FSTL1: variants seen among roughly 807,000 people sequenced by gnomAD.
FSTL1 encodes follistatin like 1, also known as follistatin-related protein 1.
Under a neutral mutation model 45.9 loss-of-function variants are expected in FSTL1, and 24 were observed. The observed-to-expected ratio is 0.52, with a 90% CI of 0.38 to 0.74. The LOEUF (loss-of-function observed/expected upper bound fraction) is 0.74. Among genes scored for constraint, FSTL1 ranks in the 30% least tolerant of loss-of-function variants. FSTL1 has a pLI of 0.00. For synonymous variants in FSTL1, 120 were observed against 137.6 expected (o/e 0.87, Z 0.89); for missense variants, 340 against 381.8 (o/e 0.89, Z 0.91).
intron 9 of FSTL1, among the ~76,000 whole-genome samples, chr3:120,400,279 C>T (rs367548762): frequency 6.6e-6 from 1 of 152,208 alleles, no homozygotes; most frequent in East Asian, 1.9e-4. Context: ...GGAGATTTCT[C>T]TGAGACAATG....
In FSTL1 at chr3:120,410,973, CG is replaced by C. The variant is rs779959938; in HGVS notation, c.309del (p.Val104Ter). 1 of 1,608,784 alleles carries C rather than the reference CG, an allele frequency of 6.2e-7. No individual in the cohort carries two copies. Among genetic ancestry groups the C allele is most frequent in the African/African-American group, 1.3e-5 (1 of 74,698 alleles). On this transcript the variant is annotated frameshift_variant, in exon 5 of 11. Coordinates refer to ENST00000295633, the MANE Select transcript of FSTL1 (RefSeq NM_007085.5). LOFTEE classifies it high-confidence loss of function. ...TCACCTGGGCTGGCAGATGGACTTA[CG>C]GATTTCTTCTCTGCAAGACAAAAAG... ...DYDGHCKEKK[S>X]VSPSASPVVC... is the part of the protein sequence containing the mutation.
chr3:120,439,611 G>C (rs535383723), intron 2 of FSTL1, among the ~76,000 whole-genome samples: 1 of 152,232 alleles, frequency 6.6e-6, no homozygotes, highest in Non-Finnish European at 1.5e-5. Flanking sequence ...GGGGAGCTTT[G>C]CACATCAGTT....
intron 2 of FSTL1, among the ~76,000 whole-genome samples, chr3:120,427,393 C>T (rs1245558294): frequency 1.3e-5 from 2 of 152,150 alleles, no homozygotes; most frequent in African/African-American, 4.8e-5. Context: ...GTTTGTCCAT[C>T]CTTTTGTAGG....
At chr3:120,430,210 G>A (rs1356615029) in intron 2 of FSTL1, among the ~76,000 whole-genome samples, 2 of 152,162 alleles carry the variant, frequency 1.3e-5, no homozygotes, top group South Asian at 2.1e-4. Context: ...CCCAGAGTGC[G>A]TCTCCTAGAA....
rs1936696281 is a variant in FSTL1, at chr3:120,396,238, T to A, written c.*714A>T. 2 of 151,724 alleles carry A rather than the reference T, an allele frequency of 1.3e-5. No homozygotes were observed. Among genetic ancestry groups the A allele is most frequent in the African/African-American group, 4.9e-5 (2 of 41,034 alleles). The allele number at this position is 151,724 out of a possible 1,614,324, so 9.4% of individuals were successfully genotyped here. A position where few individuals can be genotyped will look rare whatever the true frequency, so the allele number is the denominator to read the frequency against. ...AAGAAAATAAAATATTAAAAAACAATAATATAATGATAATAATTGAAGAAT... is the reference window on the plus strand; with the variant it reads ...AAGAAAATAAAATATTAAAAAACAAAAATATAATGATAATAATTGAAGAAT... On this transcript the variant is annotated 3_prime_UTR_variant, in exon 11 of 11. Transcript: ENST00000295633.
intron 2 of FSTL1, among the ~76,000 whole-genome samples, chr3:120,427,068 T>C (rs1937395645): frequency 6.6e-6 from 1 of 152,208 alleles, no homozygotes; most frequent in Non-Finnish European, 1.5e-5. Flanking sequence ...AATTGTCAGA[T>C]GCTTCTTTAA....
intron 4 of FSTL1, among the ~76,000 whole-genome samples, chr3:120,411,516 A>G (rs1937052753): frequency 6.6e-6 from 1 of 152,264 alleles, no homozygotes; most frequent in Non-Finnish European, 1.5e-5. Context: ...AAACTTACCT[A>G]CTTTCTAAAA....
intron 6 of FSTL1, among the ~76,000 whole-genome samples, chr3:120,407,079 A>G (rs1576210430): frequency 6.6e-6 from 1 of 152,230 alleles, no homozygotes; most frequent in African/African-American, 2.4e-5. Context: ...GAAATTTTCC[A>G]CTTATGGCAT....
chr3:120,424,795 G>A (rs1052489004), intron 2 of FSTL1, among the ~76,000 whole-genome samples: 1 of 152,138 alleles, frequency 6.6e-6, no homozygotes, highest in Non-Finnish European at 1.5e-5. Flanking sequence ...TTGGTTGTGT[G>A]TCTCTATCAG....
intron 7 of FSTL1, among the ~76,000 whole-genome samples, chr3:120,403,748 A>G (rs568272971): frequency 1.3e-5 from 2 of 152,230 alleles, no homozygotes; most frequent in East Asian, 1.9e-4. Context: ...GACAGATGAC[A>G]TGAAAGGAAT....
intron 2 of FSTL1, among the ~76,000 whole-genome samples, chr3:120,439,485 C>T (rs570500099): frequency 1.3e-5 from 2 of 152,286 alleles, no homozygotes; most frequent in East Asian, 3.9e-4. Context: ...TTGATGGAGG[C>T]CTAGTACAAA....
chr3:120,425,386 A>C (rs1162371375), intron 2 of FSTL1, among the ~76,000 whole-genome samples: 2 of 152,162 alleles, frequency 1.3e-5, no homozygotes, highest in African/African-American at 2.4e-5. Flanking sequence ...AAAGCTTTTA[A>C]ACTTCTGCTG....
intron 10 of FSTL1, among the ~76,000 whole-genome samples, chr3:120,397,516 A>G (rs1451613853): frequency 6.6e-6 from 1 of 152,228 alleles, no homozygotes; most frequent in African/African-American, 2.4e-5. Context: ...GCCAATAAGG[A>G]CATAAGAAGA....
chr3:120,419,473 A>C (rs1303765715), intron 2 of FSTL1: 1 of 152,158 alleles, frequency 6.6e-6, no homozygotes, highest in East Asian at 1.9e-4. Flanking sequence ...TTACCCATCT[A>C]CTGAGAAACT....
chr3:120,437,971 G>A (rs1937588285), intron 2 of FSTL1, among the ~76,000 whole-genome samples: 1 of 152,102 alleles, frequency 6.6e-6, no homozygotes, highest in Non-Finnish European at 1.5e-5. Flanking sequence ...CAGAGATCAG[G>A]GCCAGGGGAG....
Position 120,393,267 on chromosome 3 carries a change from G to T in FSTL1, c.*3685C>A, listed in dbSNP as rs1162995720. 6.6e-6 allele frequency: 1 copy of T among 152,152 alleles called. No individual in the cohort carries two copies. Among genetic ancestry groups the T allele is most frequent in the African/African-American group, 2.4e-5 (1 of 41,434 alleles). 9.4% of individuals were successfully genotyped at this position (152,152 alleles called of 1,614,324 possible). ...CAAAGTGATCCAGCTATAATTTTAG[G>T]AAAGCAAAACTTCCACATGACTGAA... On this transcript the variant is annotated 3_prime_UTR_variant, in exon 11 of 11. Coordinates refer to ENST00000295633, the MANE Select transcript of FSTL1 (RefSeq NM_007085.5).
intron 8 of FSTL1, 84 bp downstream of exon 8, chr3:120,403,158 G>T (rs941626054): frequency 6.0e-6 from 5 of 837,980 alleles, no homozygotes; most frequent in East Asian, 2.4e-5. Flanking sequence ...GCTAGCTCTG[G>T]AGAGTTCCAC....
intron 2 of FSTL1, among the ~76,000 whole-genome samples, chr3:120,442,474 G>C (rs1937642543): frequency 6.6e-6 from 1 of 152,162 alleles, no homozygotes; most frequent in Non-Finnish European, 1.5e-5. Context: ...GTTTGTTACA[G>C]AGTCTATGAA....
intron 3 of FSTL1, among the ~76,000 whole-genome samples, chr3:120,414,143 C>A (rs1937136270): frequency 1.3e-5 from 2 of 152,128 alleles, no homozygotes; most frequent in South Asian, 4.1e-4. Context: ...ACCTCCACCT[C>A]CCAGCCGCCT....
Sources: gnomAD v4.1 joint callset for allele counts (sites outside exome capture counted in the v4.1 genomes callset) on GRCh38, gnomAD v4.1.1 for gene constraint, MANE v1.5 for transcripts, NCBI Gene and HGNC (gene_info 2026-07-23, HGNC 2026-07-21) for gene names.